Variants in RNF139 observed in about 807,000 individuals in gnomAD.
RNF139 encodes ring finger protein 139.
In RNF139, 15 loss-of-function variants were observed where a neutral mutation model predicts 49.5. The observed-to-expected ratio is 0.30, with a 90% CI of 0.20 to 0.47. The LOEUF is 0.47. Ranked by LOEUF, RNF139 falls within the 20% of genes least tolerant of loss-of-function variation. The pLI, the probability that RNF139 is intolerant of heterozygous loss-of-function variation, is 1.00. For missense variants in RNF139, 619 were observed against 806.3 expected (o/e 0.77, Z 2.81); for synonymous variants, 325 against 300.9 (o/e 1.08, Z -0.83).
Position 124,475,079 on chromosome 8 carries a change from G to A in RNF139, c.-31G>A. 6.8e-7 allele frequency: 1 copy of A among 1,470,094 alleles called. No homozygotes were observed. The highest frequency in any genetic ancestry group is 1.3e-5 in the South Asian group (1 of 75,794). The allele number at this position is 1,470,094 out of a possible 1,614,324, so 91.1% of individuals were successfully genotyped here. ...GGCCCTGCCCCGCGCGGCCCTGCCC[G>A]GCCCACCGAGCCCTGGTGTGGCAGC... On this transcript the variant is annotated 5_prime_UTR_variant, in exon 1 of 2. Transcript: ENST00000303545.
Position 124,486,530 on chromosome 8 carries a change from T to G in RNF139, c.881T>G (p.Met294Arg). The G allele has an allele frequency of 6.2e-7, 1 of 1,614,196 alleles. No homozygotes were observed. The highest frequency in any genetic ancestry group is 8.5e-7 in the Non-Finnish European group (1 of 1,180,022). ...GATTCTACACTAACTGTACTGGGCA[T>G]GAGTGCTGTAATTTCCTCAGTAGCC... is the stretch of plus-strand genomic sequence containing the variant. ...GCDSTLTVLGMSAVISSVAHY... is the reference protein window; with the variant it reads ...GCDSTLTVLGRSAVISSVAHY... The change falls in exon 2 of 2, where the codon ATG (methionine) becomes AGG (arginine). Residue 294 changes from methionine (M) to arginine (R), a missense_variant. Transcript: ENST00000303545.
chr8:124,483,008 AAAATATATATATATATTT>A (rs1418707728), intron 1 of RNF139, among the ~76,000 whole-genome samples: 1 of 81,074 alleles, frequency 1.2e-5, no homozygotes, highest in East Asian at 3.1e-4. Context: ...ATATATATTA[AAAATATATATATATATTT>A]AAATATATAT....
chr8:124,483,571 A>G (rs1816485531), intron 1 of RNF139, among the ~76,000 whole-genome samples: 1 of 151,946 alleles, frequency 6.6e-6, no homozygotes, highest in East Asian at 1.9e-4. Context: ...AGTAGCTGGG[A>G]GTACAGGCAC....
rs762066388 is a variant in RNF139 at position 124,485,944 on chromosome 8, G to C, written c.295G>C (p.Ala99Pro). ...AATSVLVNYY[A>P]SLHIDFYGAY... ...AACTTCAGTGTTGGTGAATTATTAT[G>C]CTTCTTTGCACATTGACTTCTATGG... The change falls in exon 2 of 2, where the codon GCT becomes CCT. Residue 99 changes from alanine (A) to proline (P), a missense_variant. Coordinates refer to ENST00000303545, the MANE Select transcript of RNF139 (RefSeq NM_007218.4). 1 of 1,614,192 alleles carries C rather than the reference G, an allele frequency of 6.2e-7. No homozygotes were observed. The highest frequency in any genetic ancestry group is 8.5e-7 in the Non-Finnish European group (1 of 1,180,022).
rs770535886 is a variant in RNF139 at position 124,485,867 on chromosome 8, A to G, written c.218A>G (p.Gln73Arg). ...FASSIVLILS[Q>R]RSLFKFYTYS... The stretch of plus-strand genomic sequence containing the variant: ...TCCAGTATTGTTCTGATCTTGTCAC[A>G]ACGATCACTTTTCAAGTTTTACACG... The change falls in exon 2 of 2, where the codon CAA (glutamine) becomes CGA (arginine). Residue 73 changes from glutamine to arginine, a missense_variant. Physicochemically the swap from Gln to Arg is conservative, Grantham distance 43. Around this residue, in one of 2 missense-constraint regions of RNF139, gnomAD observed 530 missense variants for 728.9 expected, o/e 0.73. Coordinates refer to ENST00000303545, the MANE Select transcript of RNF139 (RefSeq NM_007218.4). 4.3e-6 allele frequency: 7 copies of G among 1,613,170 alleles called. No homozygotes were observed. In the Admixed American group the frequency reaches 6.7e-5, roughly 15 times the overall value.
rs1816520203 is a variant in RNF139, at chr8:124,485,910, G to A, written c.261G>A (p.Leu87=). ...TTTACACGTACAGCTCAGCCTTTCT[G>A]TTAGCTGCAACTTCAGTGTTGGTGA... ...FKFYTYSSAF[L]LAATSVLVNY... is the part of the protein sequence containing the mutation. The change falls in exon 2 of 2, where the codon CTG becomes CTA. Residue 87 remains leucine, a synonymous_variant. Coordinates refer to ENST00000303545, the MANE Select transcript of RNF139 (RefSeq NM_007218.4). The A allele has an allele frequency of 5.0e-6, 8 of 1,614,086 alleles. No homozygotes were observed. Among genetic ancestry groups the A allele is most frequent in the Non-Finnish European group, 6.8e-6 (8 of 1,179,968 alleles).
At chr8:124,479,675 A>G (rs749193796) in intron 1 of RNF139, among the ~76,000 whole-genome samples, 1 of 152,110 alleles carries the variant, frequency 6.6e-6, no homozygotes, top group Non-Finnish European at 1.5e-5. Context: ...TGACAGCCAA[A>G]ACTGTCCCTG....
chr8:124,479,107 T>C (rs558877147), intron 1 of RNF139, among the ~76,000 whole-genome samples: 164 of 152,010 alleles, frequency 1.1e-3, no homozygotes, highest in African/African-American at 3.8e-3. Context: ...TTTGTTTTGT[T>C]TTTGAGACAG....
intron 1 of RNF139, 135 bp downstream of exon 1, chr8:124,475,425 G>A (rs1816297811): frequency 1.1e-6 from 1 of 883,004 alleles, no homozygotes; most frequent in Non-Finnish European, 1.7e-6. Flanking sequence ...TCAAAGGGTC[G>A]TCTTTACGGG....
rs1261113386 is a variant in RNF139, at chr8:124,488,145, A to G, written c.*501A>G. 6.6e-6 allele frequency among the ~76,000 whole-genome samples: 1 copy of G among 152,218 alleles called. No individual in the cohort carries two copies. Among genetic ancestry groups the G allele is most frequent in the African/African-American group, 2.4e-5 (1 of 41,452 alleles). On this transcript the variant is annotated 3_prime_UTR_variant, in exon 2 of 2. Coordinates refer to ENST00000303545, the MANE Select transcript of RNF139 (RefSeq NM_007218.4). ...AAGAAAAAATTAGCTGCCAGAAGCA[A>G]CTGAGGACCTTTTTTGAAACTTGAG...
Position 124,475,090 on chromosome 8 carries a change from C to T in RNF139, c.-20C>T. Reference sequence around the variant, plus strand: ...GCGCGGCCCTGCCCGGCCCACCGAGCCCTGGTGTGGCAGCGGCTCATGGCG... The same window carrying T: ...GCGCGGCCCTGCCCGGCCCACCGAGTCCTGGTGTGGCAGCGGCTCATGGCG... On this transcript the variant is annotated 5_prime_UTR_variant, in exon 1 of 2. Coordinates refer to ENST00000303545, the MANE Select transcript of RNF139 (RefSeq NM_007218.4). 2 of 1,539,550 alleles carry T rather than the reference C, an allele frequency of 1.3e-6. No homozygotes were observed. The highest frequency in any genetic ancestry group is 1.7e-6 in the Non-Finnish European group (2 of 1,146,786).
chr8:124,475,870 A>G (rs940577799), intron 1 of RNF139, among the ~76,000 whole-genome samples: 6 of 152,232 alleles, frequency 3.9e-5, no homozygotes, highest in Non-Finnish European at 4.4e-5. Flanking sequence ...ATCGAGTCCT[A>G]AAATTTTCCA....
intron 1 of RNF139, among the ~76,000 whole-genome samples, chr8:124,481,109 T>C (rs1032111927): frequency 6.6e-6 from 1 of 152,190 alleles, no homozygotes. Context: ...TACCAGGTTT[T>C]TTTTCAACCT....
rs1303899748 is a variant in RNF139 at position 124,475,300 on chromosome 8, C to A, written c.181+10C>A. On this transcript the variant is annotated intron_variant, in intron 1 of 1. Coordinates refer to ENST00000303545, the MANE Select transcript of RNF139 (RefSeq NM_007218.4). ...TTCCTCCGGCTCTTTGGTAAGGGAA[C>A]AGGGTACCGTACGTCCCGGGACGGC... is the stretch of plus-strand genomic sequence containing the variant. 6 of 1,610,790 alleles carry A rather than the reference C, an allele frequency of 3.7e-6. No individual in the cohort carries two copies. The highest frequency in any genetic ancestry group is 5.1e-6 in the Non-Finnish European group (6 of 1,178,214).
chr8:124,488,526 T>C lies in RNF139; in HGVS notation c.*882T>C, dbSNP rs1166252123. ...AGACAACTTGCAGATAATTTCTTTA[T>C]TGAAACTATCAGGAAGTTTTACTAT... is the stretch of plus-strand genomic sequence containing the variant. On this transcript the variant is annotated 3_prime_UTR_variant, in exon 2 of 2. Coordinates refer to ENST00000303545, the MANE Select transcript of RNF139 (RefSeq NM_007218.4). 2 of 793,838 alleles carry C rather than the reference T, an allele frequency of 2.5e-6. No individual in the cohort carries two copies. The highest frequency in any genetic ancestry group is 3.5e-5 in the African/African-American group (2 of 56,882). The allele number at this position is 793,838 out of a possible 1,614,324, so 49.2% of individuals were successfully genotyped here.
chr8:124,487,016 A>G lies in RNF139; in HGVS notation c.1367A>G (p.Lys456Arg), dbSNP rs1256042872. 1.2e-6 allele frequency: 2 copies of G among 1,613,970 alleles called. No homozygotes were observed. Among genetic ancestry groups the G allele is most frequent in the African/African-American group, 2.7e-5 (2 of 74,904 alleles). Reference protein sequence around the residue: ...IDGYYNVLWEKLDDYVYYVRS... With the variant: ...IDGYYNVLWERLDDYVYYVRS... ...GGCTACTATAATGTCCTCTGGGAAAAGCTTGACGATTATGTCTACTACGTT... is the reference window on the plus strand; with the variant it reads ...GGCTACTATAATGTCCTCTGGGAAAGGCTTGACGATTATGTCTACTACGTT... The change falls in exon 2 of 2, where the codon AAG (lysine) becomes AGG (arginine). Residue 456 changes from lysine (K) to arginine (R), a missense_variant. Lys to Arg is a conservative substitution (Grantham distance 26, BLOSUM62 2). This residue lies in a region of RNF139 where 530 missense variants were observed against 728.9 expected (regional missense o/e 0.73). Transcript: ENST00000303545.
intron 1 of RNF139, among the ~76,000 whole-genome samples, chr8:124,479,651 C>T (rs942761251): frequency 2.0e-5 from 3 of 152,156 alleles, no homozygotes; most frequent in Non-Finnish European, 4.4e-5. Flanking sequence ...ACCTTGCACC[C>T]CCACACCCCA....
rs775793524 is a variant in RNF139 at position 124,486,219 on chromosome 8, A to C, written c.570A>C (p.Thr190=). ...CTTCCTTGATTCTCACATTAAATACAGTGTTTGTCCTGGCAGTGAAACTGA... is the reference window on the plus strand; with the variant it reads ...CTTCCTTGATTCTCACATTAAATACCGTGTTTGTCCTGGCAGTGAAACTGA... The part of the protein sequence containing the change: ...FTSSLILTLN[T]VFVLAVKLKW... The change falls in exon 2 of 2, where the codon ACA becomes ACC. Residue 190 remains threonine (T), a synonymous_variant. Coordinates refer to ENST00000303545, the MANE Select transcript of RNF139 (RefSeq NM_007218.4). 3 of 1,614,188 alleles carry C rather than the reference A, an allele frequency of 1.9e-6. No homozygotes were observed. Among genetic ancestry groups the C allele is most frequent in the Admixed American group, 3.3e-5 (2 of 60,024 alleles).
At chr8:124,482,941 A>AT (rs1563630948) in intron 1 of RNF139, among the ~76,000 whole-genome samples, 7,301 of 102,214 alleles carry the variant, frequency 0.071, 571 homozygotes, top group Non-Finnish European at 0.11. Context: ...AATATAAAAA[A>AT]AAATATATAT....
Sources: allele counts gnomAD v4.1 joint callset (sites outside exome capture counted in the v4.1 genomes callset), GRCh38; gene constraint gnomAD v4.1.1; regional missense constraint gnomAD v4.1.1; transcripts MANE v1.5; gene names NCBI Gene and HGNC (gene_info 2026-07-23, HGNC 2026-07-21).